GNAL: variants seen among roughly 807,000 people sequenced by gnomAD.
GNAL encodes guanine nucleotide-binding protein G(olf) subunit alpha.
GNAL carries 18 observed loss-of-function variants against 55.1 expected under a neutral mutation model. The ratio of observed to expected loss-of-function variants is 0.33; its 90% CI spans 0.23 to 0.48. The LOEUF (loss-of-function observed/expected upper bound fraction) is 0.48. Ranked by LOEUF, GNAL falls within the 20% of genes least tolerant of loss-of-function variation. The pLI, the probability that GNAL is intolerant of heterozygous loss-of-function variation, is 0.99. For synonymous variants in GNAL, 253 were observed against 237.0 expected (o/e 1.07, Z -0.62); for missense variants, 412 against 614.1 (o/e 0.67, Z 3.48).
At chr18:11,840,431 C>T (rs559794365) in intron 5 of GNAL, among the ~76,000 whole-genome samples, 1 of 152,288 alleles carries the variant, frequency 6.6e-6, no homozygotes, top group East Asian at 1.9e-4. Flanking sequence ...TTTTATTAAC[C>T]TCAATTGAAC....
chr18:11,712,996 C>A (rs1403085238), intron 1 of GNAL, among the ~76,000 whole-genome samples: 1 of 152,180 alleles, frequency 6.6e-6, no homozygotes, highest in East Asian at 1.9e-4. Flanking sequence ...TGTCCCCAGC[C>A]CATGAACACC....
chr18:11,881,069 C>T lies in GNAL; in HGVS notation c.1311C>T (p.Arg437=), dbSNP rs2036677953. 7 of 1,613,630 alleles carry T rather than the reference C, an allele frequency of 4.3e-6. No individual in the cohort carries two copies. The highest frequency in any genetic ancestry group is 3.3e-4 in the Middle Eastern group (2 of 6,062). ...FTCAVDTENI[R]RVFNDCRDII... ...GCGCCGTGGACACAGAGAACATCCGCAGGGTGTTCAACGACTGCCGCGACA... is the reference window on the plus strand; with the variant it reads ...GCGCCGTGGACACAGAGAACATCCGTAGGGTGTTCAACGACTGCCGCGACA... Residue 437 remains arginine, a synonymous_variant, in exon 12 of 12, where the codon CGC becomes CGT. Coordinates refer to ENST00000334049, the MANE Select transcript of GNAL (RefSeq NM_182978.4). The surrounding 1 kb of genome is among the most constrained non-coding windows in gnomAD (Gnocchi z 4.8).
intron 1 of GNAL, chr18:11,746,532 C>T (rs568591612): frequency 8.5e-6 from 2 of 234,770 alleles, no homozygotes; most frequent in East Asian, 2.1e-4. Flanking sequence ...ATCCCTCCAG[C>T]CCAGGAGGTT....
chr18:11,870,134 G>A (rs566474083), intron 9 of GNAL, among the ~76,000 whole-genome samples: 29 of 152,264 alleles, frequency 1.9e-4, no homozygotes, highest in Middle Eastern at 3.4e-3. Flanking sequence ...GGTTTTCACA[G>A]GGAGTCCTAG....
At chr18:11,697,007 T>C (rs902485133) in intron 1 of GNAL, among the ~76,000 whole-genome samples, 2 of 152,216 alleles carry the variant, frequency 1.3e-5, no homozygotes, top group Admixed American at 6.5e-5. Flanking sequence ...TGCTTCAGTT[T>C]CCATCTCAAT....
chr18:11,884,795 C>G lies in GNAL; in HGVS notation c.*3660C>G. 7.3e-7 allele frequency: 1 copy of G among 1,373,360 alleles called. No individual in the cohort carries two copies. The highest frequency in any genetic ancestry group is 9.6e-7 in the Non-Finnish European group (1 of 1,046,026). The allele number at this position is 1,373,360 out of a possible 1,614,324, so 85.1% of individuals were successfully genotyped here. A position where few individuals can be genotyped will look rare whatever the true frequency, so the allele number is the denominator to read the frequency against. On this transcript the variant is annotated 3_prime_UTR_variant, in exon 12 of 12. Transcript: ENST00000334049. The stretch of plus-strand genomic sequence containing the variant: ...GGGGCCCAGCCTTCTCCCTGCACAG[C>G]TCACCCCCGACCAGCCCAGGCTCCA...
Position 11,751,460 on chromosome 18 carries a change from G to A in GNAL, c.377-1393G>A. ...GGAGGCTCGGGAGGCGGCGACGTGG[G>A]CGAGCTGGAATAGTCTAGAAGCTGA... On this transcript the variant is annotated intron_variant, in intron 1 of 11. Coordinates refer to ENST00000334049, the MANE Select transcript of GNAL (RefSeq NM_182978.4). The surrounding 1 kb of genome is among the most constrained non-coding windows in gnomAD (Gnocchi z 4.5). 1.0e-6 allele frequency: 1 copy of A among 977,694 alleles called. No individual in the cohort carries two copies. The highest frequency in any genetic ancestry group is 1.2e-6 in the Non-Finnish European group (1 of 822,800). The allele number at this position is 977,694 out of a possible 1,614,324, so 60.6% of individuals were successfully genotyped here.
chr18:11,749,694 G>T (rs930661276), intron 1 of GNAL, among the ~76,000 whole-genome samples: 1 of 152,170 alleles, frequency 6.6e-6, no homozygotes, highest in African/African-American at 2.4e-5. Context: ...AGAATCTGGT[G>T]CTCCCTTAGG....
intron 4 of GNAL, among the ~76,000 whole-genome samples, chr18:11,817,713 T>C (rs58378854): frequency 0.052 from 7,764 of 150,268 alleles, 346 homozygotes; most frequent in African/African-American, 0.1. Context: ...CTCAGCCTCT[T>C]GAGTAGCTGG....
intron 1 of GNAL, among the ~76,000 whole-genome samples, chr18:11,748,500 T>C (rs539957528): frequency 6.8e-5 from 10 of 147,474 alleles, no homozygotes; most frequent in Admixed American, 6.0e-4. Flanking sequence ...TATTAATATA[T>C]TAACTTCCTG....
intron 1 of GNAL, among the ~76,000 whole-genome samples, chr18:11,698,866 A>G (rs919223790): frequency 2.0e-5 from 3 of 152,192 alleles, no homozygotes; most frequent in Non-Finnish European, 4.4e-5. Context: ...CCCTGTTGAC[A>G]GTGTCAGACT....
At chr18:11,788,086 C>T (rs955619875) in intron 4 of GNAL, among the ~76,000 whole-genome samples, 2 of 152,098 alleles carry the variant, frequency 1.3e-5, no homozygotes, top group East Asian at 1.9e-4. Context: ...TAACCGTAAT[C>T]GGGCCTTAGA....
intron 9 of GNAL, among the ~76,000 whole-genome samples, chr18:11,870,353 TCTACTAAAAC>T: frequency 6.6e-6 from 1 of 152,192 alleles, no homozygotes; most frequent in East Asian, 1.9e-4. Flanking sequence ...AAACCCCGTC[TCTACTAAAAC>T]TACAAAAATT....
At chr18:11,869,384 C>A (rs1364603558) in intron 9 of GNAL, among the ~76,000 whole-genome samples, 1 of 152,102 alleles carries the variant, frequency 6.6e-6, no homozygotes, top group African/African-American at 2.4e-5. Context: ...ACCTCGTGAT[C>A]CACCCACCTC....
chr18:11,885,655 A>G lies in GNAL; in HGVS notation c.*4520A>G. Reference sequence around the variant, plus strand: ...TAAATACTTATGAAAGCTTTCAGACAAAAATAAACTTTCACGTTACCATGA... The same window carrying G: ...TAAATACTTATGAAAGCTTTCAGACGAAAATAAACTTTCACGTTACCATGA... On this transcript the variant is annotated 3_prime_UTR_variant, in exon 12 of 12. Coordinates refer to ENST00000334049, the MANE Select transcript of GNAL (RefSeq NM_182978.4). 2 of 1,599,132 alleles carry G rather than the reference A, an allele frequency of 1.3e-6. No individual in the cohort carries two copies. The highest frequency in any genetic ancestry group is 1.7e-6 in the Non-Finnish European group (2 of 1,168,622).
rs142636423 is a variant in GNAL at position 11,712,569 on chromosome 18, T to G, written c.376+22630T>G. ...CATCACTCTCAAAAATAAAATTGTA[T>G]TATTACATAATTTAAACTCAAATAG... On this transcript the variant is annotated intron_variant, in intron 1 of 11. Coordinates refer to ENST00000334049, the MANE Select transcript of GNAL (RefSeq NM_182978.4). 5.1e-3 allele frequency among the ~76,000 whole-genome samples: 771 copies of G among 152,340 alleles called. 5 individuals are homozygous for G. Among genetic ancestry groups the G allele is most frequent in the African/African-American group, 0.018 (734 of 41,566 alleles).
At chr18:11,749,306 A>G (rs185004616) in intron 1 of GNAL, among the ~76,000 whole-genome samples, 74 of 152,320 alleles carry the variant, frequency 4.9e-4, no homozygotes, top group African/African-American at 1.7e-3. Flanking sequence ...CTAGCTCAGA[A>G]TGGAGTCTGA....
At chr18:11,854,241 ATTT>A (rs2035950909) in intron 5 of GNAL, 1 of 167,100 alleles carries the variant, frequency 6.0e-6, no homozygotes, top group African/African-American at 2.4e-5. Flanking sequence ...AAATTAATAT[ATTT>A]TGTGAGATTA....
intron 1 of GNAL, among the ~76,000 whole-genome samples, chr18:11,739,040 C>T (rs186444400): frequency 6.6e-6 from 1 of 152,198 alleles, no homozygotes; most frequent in African/African-American, 2.4e-5. Context: ...TGATGGTGTC[C>T]GCTGCCCACT....
Sources: gnomAD v4.1 joint callset for allele counts (sites outside exome capture counted in the v4.1 genomes callset) on GRCh38, gnomAD v4.1.1 for gene constraint, Gnocchi (gnomAD v3.1) non-coding constraint, MANE v1.5 for transcripts, NCBI Gene and HGNC (gene_info 2026-07-23, HGNC 2026-07-21) for gene names.